Variants in NYAP2 observed in about 807,000 individuals in gnomAD.
NYAP2 encodes the protein neuronal tyrosine-phosphorylated phosphoinositide-3-kinase adaptor 2.
NYAP2 carries 23 observed loss-of-function variants against 50.4 expected under a neutral mutation model. The ratio of observed to expected loss-of-function variants is 0.46; its 90% CI spans 0.33 to 0.65. The LOEUF (loss-of-function observed/expected upper bound fraction) is 0.65. Among genes scored for constraint, NYAP2 ranks in the 30% least tolerant of loss-of-function variants. The probability of loss-of-function intolerance (pLI) is 0.02; values close to 1 mark genes in which losing one functional copy is unlikely to be tolerated. For missense variants in NYAP2, 885 were observed against 861.0 expected, an observed-to-expected ratio of 1.03 and a Z score of -0.35; for synonymous variants, 394 against 365.2, an observed-to-expected ratio of 1.08 and a Z score of -0.90.
intron 4 of NYAP2, among the ~76,000 whole-genome samples, chr2:225,514,914 C>T (rs1690900482): frequency 6.6e-6 from 1 of 152,158 alleles, no homozygotes; most frequent in South Asian, 2.1e-4. Flanking sequence ...AGGCAGTGTT[C>T]ATTGTGACAT....
chr2:225,654,287 G>A (rs533372808), downstream of NYAP2, among the ~76,000 whole-genome samples: 21 of 152,104 alleles, frequency 1.4e-4, no homozygotes, highest in East Asian at 1.7e-3. Flanking sequence ...AGCAGTTTTC[G>A]CAACACCAAG....
chr2:225,628,670 T>C (rs1296933900), intron 6 of NYAP2, among the ~76,000 whole-genome samples: 1 of 152,204 alleles, frequency 6.6e-6, no homozygotes, highest in Admixed American at 6.5e-5. Flanking sequence ...CCAAAAAACT[T>C]TGACATCACT....
intron 6 of NYAP2, among the ~76,000 whole-genome samples, chr2:225,631,482 T>G (rs994866883): frequency 6.6e-6 from 1 of 152,164 alleles, no homozygotes; most frequent in African/African-American, 2.4e-5. Flanking sequence ...CTGTTAAGTT[T>G]TAAATAATGA....
chr2:225,498,227 T>C (rs1690541671), intron 3 of NYAP2, among the ~76,000 whole-genome samples: 1 of 152,126 alleles, frequency 6.6e-6, no homozygotes, highest in Non-Finnish European at 1.5e-5. Flanking sequence ...GTCAAGGTTG[T>C]ATATAATAGC....
intron 6 of NYAP2, among the ~76,000 whole-genome samples, chr2:225,640,231 C>A (rs933885399): frequency 1.3e-5 from 2 of 152,172 alleles, no homozygotes; most frequent in Non-Finnish European, 1.5e-5. Flanking sequence ...CTCTCTAACC[C>A]ATGAGATTTC....
In NYAP2 at chr2:225,607,144, A is replaced by T. The variant is rs527991638; in HGVS notation, c.1619-19773A>T. Among the ~76,000 whole-genome samples, 4 of 152,210 alleles carry T rather than the reference A, an allele frequency of 2.6e-5. No homozygotes were observed. In the South Asian group the frequency reaches 8.3e-4, roughly 32 times the overall value. On this transcript the variant is annotated intron_variant, in intron 5 of 6. Transcript: ENST00000636099. ...GAGAAAACAGTGTATATAATTTTAC[A>T]TCTCGGCCCTTTCATTTATTTTTTC...
chr2:225,517,662 C>G (rs1425795322), intron 4 of NYAP2, among the ~76,000 whole-genome samples: 1 of 152,104 alleles, frequency 6.6e-6, no homozygotes, highest in Non-Finnish European at 1.5e-5. Context: ...AGGTGCCGTA[C>G]AAATAGAGCT....
chr2:225,632,511 T>C (rs1374744033), intron 6 of NYAP2, among the ~76,000 whole-genome samples: 1 of 152,188 alleles, frequency 6.6e-6, no homozygotes, highest in Non-Finnish European at 1.5e-5. Flanking sequence ...TTTTGAGGAA[T>C]GAAGGAATTG....
At chr2:225,509,890 T>G (rs1206003944) in intron 3 of NYAP2, among the ~76,000 whole-genome samples, 1 of 152,196 alleles carries the variant, frequency 6.6e-6, no homozygotes, top group Non-Finnish European at 1.5e-5. Context: ...CCCCATATAT[T>G]GCCATATGAC....
chr2:225,473,585 C>T (rs1690050527), intron 3 of NYAP2, among the ~76,000 whole-genome samples: 4 of 152,140 alleles, frequency 2.6e-5, no homozygotes, highest in Admixed American at 2.6e-4. Context: ...TTTCATATGT[C>T]TGTTGCCTGC....
rs115708976 is a variant in NYAP2, at chr2:225,584,911, A to G, written c.1618+1876A>G. On this transcript the variant is annotated intron_variant, in intron 5 of 6. Coordinates refer to ENST00000636099, the Ensembl canonical transcript of NYAP2. ...TCTAGAGCAGTTGTCAACTAGGGCA[A>G]TTTGTCCCCTGGGATATTTGGCAAT... Among the ~76,000 whole-genome samples the G allele has an allele frequency of 6.9e-3, 1,055 of 152,328 alleles. 16 individuals are homozygous for G. The highest frequency in any genetic ancestry group is 0.024 in the African/African-American group (1,006 of 41,580).
intron 3 of NYAP2, among the ~76,000 whole-genome samples, chr2:225,486,008 G>A (rs1690292581): frequency 6.6e-6 from 1 of 152,030 alleles, no homozygotes; most frequent in South Asian, 2.1e-4. Flanking sequence ...TGTGGGCGGT[G>A]GTAAAACTGC....
At chr2:225,501,745 T>C (rs1214135318) in intron 3 of NYAP2, among the ~76,000 whole-genome samples, 1 of 152,144 alleles carries the variant, frequency 6.6e-6, no homozygotes, top group Non-Finnish European at 1.5e-5. Flanking sequence ...AAAAGAAAAG[T>C]TTCTGAAACT....
intron 5 of NYAP2, among the ~76,000 whole-genome samples, chr2:225,622,608 C>G (rs1258427093): frequency 1.4e-5 from 2 of 140,560 alleles, no homozygotes; most frequent in Non-Finnish European, 3.0e-5. Flanking sequence ...TAGACAAAGT[C>G]TCGCCCTGTT....
chr2:225,589,461 G>A lies in NYAP2; in HGVS notation c.1618+6426G>A, dbSNP rs1460785083. On this transcript the variant is annotated intron_variant, in intron 5 of 6. Transcript: ENST00000636099. ...AAGGTGGGAGGATTGCTTGAGGTCAGGATATCATGAACAGCCTGGGCAACA... is the reference window on the plus strand; with the variant it reads ...AAGGTGGGAGGATTGCTTGAGGTCAAGATATCATGAACAGCCTGGGCAACA... Among the ~76,000 whole-genome samples, 5 of 146,014 alleles carry A rather than the reference G, an allele frequency of 3.4e-5. No individual in the cohort carries two copies. In the Admixed American group the frequency reaches 3.5e-4, roughly 10 times the overall value.
chr2:225,462,163 A>T (rs1689845279), intron 3 of NYAP2, among the ~76,000 whole-genome samples: 1 of 152,202 alleles, frequency 6.6e-6, no homozygotes. Flanking sequence ...ATTAATACTC[A>T]AGCTTAGATC....
the NYAP2 span, among the ~76,000 whole-genome samples, chr2:225,664,684 C>A: frequency 6.6e-6 from 1 of 151,544 alleles, no homozygotes; most frequent in Non-Finnish European, 1.5e-5. Context: ...ATCATCCTGG[C>A]GAACATGGTG....
At chr2:225,455,376 T>A (rs1474816854) in intron 3 of NYAP2, among the ~76,000 whole-genome samples, 2 of 152,246 alleles carry the variant, frequency 1.3e-5, no homozygotes, top group African/African-American at 4.8e-5. Flanking sequence ...TCTATATCCA[T>A]ATCCCTATTC....
At chr2:225,505,462 A>C (rs1227537937) in intron 3 of NYAP2, among the ~76,000 whole-genome samples, 1 of 152,198 alleles carries the variant, frequency 6.6e-6, no homozygotes, top group African/African-American at 2.4e-5. Context: ...ACTGAAGCCA[A>C]GTTTTCATAT....
Sources: gnomAD v4.1 joint callset for allele counts (sites outside exome capture counted in the v4.1 genomes callset) on GRCh38, gnomAD v4.1.1 for gene constraint, MANE v1.5 for transcripts, NCBI Gene and HGNC (gene_info 2026-07-23, HGNC 2026-07-21) for gene names.